Variants in ANKFN1 observed in about 807,000 individuals in gnomAD.
The protein encoded by ANKFN1 is ankyrin repeat and fibronectin type III domain containing 1.
ANKFN1 carries 74 observed loss-of-function variants against 108.7 expected under a neutral mutation model. That is an observed-to-expected ratio of 0.68 (90% CI 0.56 to 0.83). ANKFN1 has a LOEUF of 0.83. ANKFN1 is among the 40% of genes least tolerant of loss of function. The probability of loss-of-function intolerance (pLI) is 0.00; values close to 1 mark genes in which losing one functional copy is unlikely to be tolerated. For missense variants in ANKFN1, 1,505 were observed against 1,382.3 expected, an observed-to-expected ratio of 1.09 and a Z score of -1.41; for synonymous variants, 547 against 516.2, an observed-to-expected ratio of 1.06 and a Z score of -0.81.
chr17:56,206,699 G>C (rs1009524587), intron 1 of ANKFN1: 2 of 152,110 alleles, frequency 1.3e-5, no homozygotes, highest in African/African-American at 4.8e-5. Context: ...TAGAAATTTT[G>C]TGCCAAGCGA....
At chr17:56,126,200 G>A (rs1001585363) in intron 4 of ANKFN1, among the ~76,000 whole-genome samples, 15 of 151,884 alleles carry the variant, frequency 9.9e-5, no homozygotes, top group African/African-American at 2.7e-4. Flanking sequence ...CTCCAGGGGT[G>A]TTTTTGCTAT....
chr17:56,133,528 CTGTGTGTGTGTGTGTGTGTG>C (rs10598270), intron 4 of ANKFN1, among the ~76,000 whole-genome samples: 11 of 146,314 alleles, frequency 7.5e-5, no homozygotes, highest in East Asian at 6.1e-4. Context: ...ATGTGTATAC[CTGTGTGTGTGTGTGTGTGTG>C]TGTGTGTGTG....
At chr17:56,102,530 C>T (rs1905666761) in intron 4 of ANKFN1, among the ~76,000 whole-genome samples, 1 of 152,142 alleles carries the variant, frequency 6.6e-6, no homozygotes. Flanking sequence ...GGGAACATCT[C>T]ATTCCCTGAC....
chr17:56,340,575 A>G (rs950977073), intron 4 of ANKFN1, among the ~76,000 whole-genome samples: 4 of 151,490 alleles, frequency 2.6e-5, no homozygotes, highest in African/African-American at 9.7e-5. Flanking sequence ...TCCTTTCCCT[A>G]TTGTCTTTAT....
At chr17:56,110,317 A>G (rs1229044628) in intron 4 of ANKFN1, among the ~76,000 whole-genome samples, 1 of 152,102 alleles carries the variant, frequency 6.6e-6, no homozygotes, top group Admixed American at 6.5e-5. Context: ...AATTCTTACT[A>G]ATTTGTTTAC....
intron 3 of ANKFN1, among the ~76,000 whole-genome samples, chr17:56,277,333 A>G (rs2043961011): frequency 6.6e-6 from 1 of 152,200 alleles, no homozygotes; most frequent in African/African-American, 2.4e-5. Context: ...TACATGTTTG[A>G]CTTGCAGGAC....
rs572193954 is a variant in ANKFN1 at position 56,054,015 on chromosome 17, T to C, written c.288+7690T>C. Among the ~76,000 whole-genome samples, 3 of 152,272 alleles carry C rather than the reference T, an allele frequency of 2.0e-5. 1 individual carries two copies. In the East Asian group the frequency reaches 5.8e-4, roughly 29 times the overall value. ...TCCCTAGCCATTCTTCCTCCCTCCC[T>C]CTTCTGATTCTCTGAAGTCCGTTAT... On this transcript the variant is annotated intron_variant, in intron 4 of 12. Coordinates refer to the ANKFN1 transcript ENST00000635860.
chr17:56,492,613 G>A (rs1314018934), intron 19 of ANKFN1, among the ~76,000 whole-genome samples: 3 of 151,946 alleles, frequency 2.0e-5, no homozygotes, highest in Admixed American at 6.6e-5. Context: ...CTTTCCATAC[G>A]GGAGAGAAAA....
intron 8 of ANKFN1, among the ~76,000 whole-genome samples, chr17:56,431,353 G>C (rs2048748033): frequency 6.6e-6 from 1 of 152,166 alleles, no homozygotes; most frequent in Non-Finnish European, 1.5e-5. Context: ...TTCTGTAAAA[G>C]AAGCTGGTGG....
Position 56,302,871 on chromosome 17 carries a change from T to C in ANKFN1, c.54-23350T>C, listed in dbSNP as rs16957080. On this transcript the variant is annotated intron_variant, in intron 3 of 20. Transcript: ENST00000682825. ...TACATACCTACCAGATCCCTTTAAA[T>C]AGCTGCATGGTATTCTATTCTAAGA... Among the ~76,000 whole-genome samples the C allele has an allele frequency of 4.5e-3, 690 of 152,336 alleles. 6 individuals carry two copies. The highest frequency in any genetic ancestry group is 0.016 in the African/African-American group (661 of 41,570).
chr17:56,171,932 C>A (rs980678386), intron 1 of ANKFN1, among the ~76,000 whole-genome samples: 3 of 152,138 alleles, frequency 2.0e-5, no homozygotes, highest in African/African-American at 7.2e-5. Flanking sequence ...AACATTTAAC[C>A]TCCTTGATCA....
upstream of ANKFN1, among the ~76,000 whole-genome samples, chr17:56,148,821 T>C (rs1242617423): frequency 6.6e-6 from 1 of 152,230 alleles, no homozygotes. Flanking sequence ...CACCCTCTTA[T>C]TTTGTCTCTC....
At chr17:56,497,057 C>T (rs141352589) in intron 19 of ANKFN1, among the ~76,000 whole-genome samples, 88 of 152,214 alleles carry the variant, frequency 5.8e-4, no homozygotes, top group African/African-American at 2.0e-3. Context: ...AAAACACAAT[C>T]CCTGTCCTTG....
intron 1 of ANKFN1, among the ~76,000 whole-genome samples, chr17:56,167,261 G>GTGTA (rs1555603934): frequency 1.3e-5 from 1 of 74,720 alleles, no homozygotes; most frequent in Non-Finnish European, 2.8e-5. Flanking sequence ...GTATGTGTGT[G>GTGTA]TATATATATA....
At chr17:56,451,890 G>A (rs954320199) in intron 11 of ANKFN1, among the ~76,000 whole-genome samples, 1 of 152,154 alleles carries the variant, frequency 6.6e-6, no homozygotes, top group Non-Finnish European at 1.5e-5. Context: ...AAATATGGGA[G>A]TAATAATAAA....
At chr17:56,509,115 A>C (rs571612512) in intron 20 of ANKFN1, among the ~76,000 whole-genome samples, 129 of 152,288 alleles carry the variant, frequency 8.5e-4, no homozygotes, top group African/African-American at 3.0e-3. Context: ...AATTTATCTC[A>C]TCCTTTGTAG....
intron 1 of ANKFN1, among the ~76,000 whole-genome samples, chr17:56,167,235 A>G (rs911655213): frequency 6.8e-6 from 1 of 146,518 alleles, no homozygotes; most frequent in African/African-American, 2.5e-5. Context: ...GTGTGCATAG[A>G]TGTGTGTGTA....
chr17:56,399,843 T>TA (rs1555645720), intron 8 of ANKFN1, among the ~76,000 whole-genome samples: 929 of 64,804 alleles, frequency 0.014, 2 homozygotes, highest in Non-Finnish European at 0.031. Context: ...ATTCCATTTT[T>TA]TATATATATA....
rs543827350 is a variant in ANKFN1 at position 56,383,358 on chromosome 17, A to G, written c.910+8644A>G. 2.5e-4 allele frequency among the ~76,000 whole-genome samples: 38 copies of G among 152,324 alleles called. 1 individual carries two copies. In the East Asian group the frequency reaches 7.1e-3, roughly 29 times the overall value. On this transcript the variant is annotated intron_variant, in intron 8 of 20. Coordinates refer to ENST00000682825, the MANE Select transcript of ANKFN1 (RefSeq NM_001370326.1). The stretch of plus-strand genomic sequence containing the variant: ...TGTAGAGGGAAATTTATAGCACTAA[A>G]TGCCCCCAAGAGAAAGCAGGAAAGA...
Sources: allele counts gnomAD v4.1 joint callset (sites outside exome capture counted in the v4.1 genomes callset), GRCh38; gene constraint gnomAD v4.1.1; transcripts MANE v1.5; gene names NCBI Gene and HGNC (gene_info 2026-07-23, HGNC 2026-07-21).